The following POC1A variants were observed in gnomAD, a reference collection of about 807,000 sequenced individuals.
POC1A encodes POC1 centriolar protein homolog A.
In POC1A, 34 loss-of-function variants were observed where a neutral mutation model predicts 47.8. That is an observed-to-expected ratio of 0.71 (90% CI 0.54 to 0.95). POC1A has a LOEUF of 0.95. Among genes scored for constraint, POC1A ranks in the 40% least tolerant of loss-of-function variants. POC1A has a pLI of 0.00. For synonymous variants in POC1A, 177 were observed against 207.6 expected (o/e 0.85, Z 1.27); for missense variants, 466 against 528.3 (o/e 0.88, Z 1.16).
intron 7 of POC1A, among the ~76,000 whole-genome samples, chr3:52,128,387 C>T (rs1197147946): frequency 6.6e-6 from 1 of 152,206 alleles, no homozygotes; most frequent in Non-Finnish European, 1.5e-5. Flanking sequence ...AGTGCTAGCG[C>T]TCCTTTACGA....
chr3:52,089,852 G>A (rs1702588541), intron 10 of POC1A, among the ~76,000 whole-genome samples: 1 of 151,928 alleles, frequency 6.6e-6, no homozygotes, highest in Non-Finnish European at 1.5e-5. Flanking sequence ...TGAGAGTAGT[G>A]AGGCAGCTTG....
At chr3:52,114,921 G>A (rs964118594) in intron 9 of POC1A, among the ~76,000 whole-genome samples, 3 of 152,206 alleles carry the variant, frequency 2.0e-5, no homozygotes, top group Admixed American at 2.0e-4. Context: ...AAAGGACTGT[G>A]GGCAATGCCA....
intron 10 of POC1A, 21 bp downstream of exon 10, chr3:52,096,548 T>G: frequency 6.6e-7 from 1 of 1,525,892 alleles, no homozygotes; most frequent in Non-Finnish European, 8.8e-7. Flanking sequence ...GGATGACGGG[T>G]GAACCCACAG....
At chr3:52,123,149 G>A (rs1005016233) in intron 8 of POC1A, among the ~76,000 whole-genome samples, 6 of 152,210 alleles carry the variant, frequency 3.9e-5, no homozygotes, top group African/African-American at 1.2e-4. Context: ...TGGTGGACAC[G>A]GGCACACAGG....
chr3:52,126,316 G>A lies in POC1A; in HGVS notation c.814-1135C>T, dbSNP rs574585345. ...TTCTGGGAGGGAAAAGGGACCTCGA[G>A]GCCATGGAGGAAGGCAGCTTTTGTC... On this transcript the variant is annotated intron_variant, in intron 7 of 10. Coordinates refer to ENST00000296484, the MANE Select transcript of POC1A (RefSeq NM_015426.5). Among the ~76,000 whole-genome samples, 9 of 152,328 alleles carry A rather than the reference G, an allele frequency of 5.9e-5. No homozygotes were observed. In the South Asian group the frequency reaches 1.7e-3, roughly 28 times the overall value.
chr3:52,138,217 G>A lies in POC1A; in HGVS notation c.765C>T (p.Ile255=), dbSNP rs1307575298. The A allele has an allele frequency of 1.9e-6, 3 of 1,614,032 alleles. No individual in the cohort carries two copies. Among genetic ancestry groups the A allele is most frequent in the Admixed American group, 1.7e-5 (1 of 60,010 alleles). ...GCAGCCGGCCCTCCATCAGGTCCAG[G>A]ATCTTCAGGGTTGAGTCACTGGAGG... ...ITASSDSTLK[I]LDLMEGRLLY... Residue 255 remains isoleucine, a synonymous_variant, in exon 7 of 11, where the codon ATC becomes ATT. Coordinates refer to ENST00000296484, the MANE Select transcript of POC1A (RefSeq NM_015426.5).
In POC1A at chr3:52,075,883, CT is replaced by C. The variant is rs753095321; in HGVS notation, c.*3del. The C allele has an allele frequency of 6.2e-7, 1 of 1,609,608 alleles. No individual in the cohort carries two copies. Among genetic ancestry groups the C allele is most frequent in the Non-Finnish European group, 8.5e-7 (1 of 1,176,000 alleles). ...CACCGAGCTCCTGATTCCTGCTCCC[CT>C]GATCATGGTGTTGCTCTCTGCATGA... is the stretch of plus-strand genomic sequence containing the variant. On this transcript the variant is annotated 3_prime_UTR_variant, in exon 11 of 11. Coordinates refer to ENST00000296484, the MANE Select transcript of POC1A (RefSeq NM_015426.5).
intron 1 of POC1A, among the ~76,000 whole-genome samples, chr3:52,153,604 G>C: frequency 6.6e-6 from 1 of 152,220 alleles, no homozygotes; most frequent in Non-Finnish European, 1.5e-5. Flanking sequence ...GCAAGTTCAG[G>C]TCCACCCCTG....
At chr3:52,133,016 A>T (rs969233417) in intron 7 of POC1A, among the ~76,000 whole-genome samples, 2 of 152,032 alleles carry the variant, frequency 1.3e-5, no homozygotes, top group African/African-American at 4.8e-5. Flanking sequence ...ACTGCACTCC[A>T]GCCTGGGCAA....
chr3:52,097,928 C>T lies in POC1A; in HGVS notation c.982-1216G>A, dbSNP rs141766626. On this transcript the variant is annotated intron_variant, in intron 9 of 10. Transcript: ENST00000296484. ...CTCAATGCTTACCCAGAAGCCCATC[C>T]CAAAAGGAAATTTCAGAAGTCCACC... Among the ~76,000 whole-genome samples, 283 of 152,302 alleles carry T rather than the reference C, an allele frequency of 1.9e-3. 2 individuals carry two copies. The highest frequency in any genetic ancestry group is 6.4e-3 in the African/African-American group (268 of 41,562).
At chr3:52,086,708 C>T (rs1449501825) in intron 10 of POC1A, among the ~76,000 whole-genome samples, 2 of 152,266 alleles carry the variant, frequency 1.3e-5, no homozygotes. Flanking sequence ...GCTCTGCCTC[C>T]TGGCCTCAGC....
At chr3:52,076,154 G>A (rs1702109259) in intron 10 of POC1A, among the ~76,000 whole-genome samples, 169 bp from the exon 11 acceptor site, 1 of 152,204 alleles carries the variant, frequency 6.6e-6, no homozygotes, top group Non-Finnish European at 1.5e-5. Context: ...TATTGGGATA[G>A]CCCTTGCCTT....
At chr3:52,115,538 T>C (rs934381905) in intron 9 of POC1A, among the ~76,000 whole-genome samples, 7 of 152,204 alleles carry the variant, frequency 4.6e-5, no homozygotes, top group African/African-American at 7.2e-5. Flanking sequence ...TGAGGGCTAG[T>C]GTCCCCCAAA....
chr3:52,093,972 C>T (rs1041605899), intron 10 of POC1A, among the ~76,000 whole-genome samples: 3 of 152,214 alleles, frequency 2.0e-5, no homozygotes, highest in African/African-American at 4.8e-5. Flanking sequence ...TCCCTGGCTA[C>T]GGCCCGCTGC....
intron 9 of POC1A, among the ~76,000 whole-genome samples, chr3:52,100,122 C>T (rs1702946693): frequency 6.6e-6 from 1 of 152,212 alleles, no homozygotes; most frequent in African/African-American, 2.4e-5. Context: ...GTTTCCTCTG[C>T]TGCCTGCTTT....
In POC1A at chr3:52,151,048, C is replaced by G; in HGVS notation, c.71G>C (p.Cys24Ser). 1.2e-6 allele frequency: 2 copies of G among 1,613,906 alleles called. No homozygotes were observed. The highest frequency in any genetic ancestry group is 8.5e-7 in the Non-Finnish European group (1 of 1,179,902). ...HFKGHRDAVTCVDFSINTKQL... is the reference protein window; with the variant it reads ...HFKGHRDAVTSVDFSINTKQL... ...CTTTGTGTTGATACTGAAGTCCACACAGGTAACTGCATCTCGGTGGCCCTT... is the reference window on the plus strand; with the variant it reads ...CTTTGTGTTGATACTGAAGTCCACAGAGGTAACTGCATCTCGGTGGCCCTT... Residue 24 changes from cysteine to serine, a missense_variant, in exon 2 of 11, where the codon TGT becomes TCT. By Grantham distance (112) the Cys-to-Ser change is moderately radical (BLOSUM62 -1). Transcript: ENST00000296484.
chr3:52,107,265 T>G (rs1703219515), intron 9 of POC1A, among the ~76,000 whole-genome samples: 2 of 151,990 alleles, frequency 1.3e-5, no homozygotes, highest in Admixed American at 1.3e-4. Context: ...CACAAGGGTG[T>G]GGGGCAGCAA....
chr3:52,085,742 G>A (rs1702438799), intron 10 of POC1A, among the ~76,000 whole-genome samples: 1 of 152,244 alleles, frequency 6.6e-6, no homozygotes, highest in African/African-American at 2.4e-5. Flanking sequence ...AACTCGCCGA[G>A]CAGCCTTAGG....
rs188572759 is a variant in POC1A at position 52,105,914 on chromosome 3, G to T, written c.982-9202C>A. ...TGCTAGGTCATTTTTGAAAGTTCAG[G>T]CCGGGTGTGGTGGCTCACGCCTGTA... On this transcript the variant is annotated intron_variant, in intron 9 of 10. Coordinates refer to ENST00000296484, the MANE Select transcript of POC1A (RefSeq NM_015426.5). 2.6e-5 allele frequency among the ~76,000 whole-genome samples: 4 copies of T among 152,312 alleles called. No homozygotes were observed. In the East Asian group the frequency reaches 5.8e-4, roughly 22 times the overall value.
Sources: gnomAD v4.1 joint callset for allele counts (sites outside exome capture counted in the v4.1 genomes callset) on GRCh38, gnomAD v4.1.1 for gene constraint, MANE v1.5 for transcripts, NCBI Gene and HGNC (gene_info 2026-07-23, HGNC 2026-07-21) for gene names.